UBAP1: variants seen among roughly 807,000 people sequenced by gnomAD.
UBAP1 encodes the protein ubiquitin associated protein 1.
Under a neutral mutation model 39.0 loss-of-function variants are expected in UBAP1, and 5 were observed. The observed-to-expected ratio is 0.13, with a 90% CI of 0.07 to 0.27. UBAP1 has a LOEUF of 0.27. Ranked by LOEUF, UBAP1 falls within the 10% of genes least tolerant of loss-of-function variation. UBAP1 has a pLI of 1.00. For synonymous variants in UBAP1, 211 were observed against 225.1 expected, an observed-to-expected ratio of 0.94 and a Z score of 0.56; for missense variants, 490 against 608.1, an observed-to-expected ratio of 0.81 and a Z score of 2.04.
chr9:34,235,684 T>C (rs1175478623), intron 3 of UBAP1, among the ~76,000 whole-genome samples: 1 of 151,930 alleles, frequency 6.6e-6, no homozygotes, highest in African/African-American at 2.4e-5. Context: ...GTGTACAGTG[T>C]TTATAAAGTC....
chr9:34,243,385 T>C (rs1305294370), intron 4 of UBAP1, among the ~76,000 whole-genome samples: 3 of 152,180 alleles, frequency 2.0e-5, no homozygotes, highest in Non-Finnish European at 4.4e-5. Context: ...CTTTCTGACC[T>C]GTTCATCTCA....
chr9:34,196,628 A>G (rs1831075589), intron 1 of UBAP1, among the ~76,000 whole-genome samples: 1 of 151,490 alleles, frequency 6.6e-6, no homozygotes, highest in South Asian at 2.1e-4. Flanking sequence ...TTTTTTTAAT[A>G]TAGACACGGT....
intron 2 of UBAP1, among the ~76,000 whole-genome samples, 153 bp downstream of exon 2, chr9:34,221,101 C>T (rs1042991656): frequency 5.9e-5 from 9 of 152,104 alleles, no homozygotes; most frequent in Non-Finnish European, 1.2e-4. Context: ...TCAAGTATAT[C>T]TGAAAGGTCT....
chr9:34,179,867 A>G (rs973406230), intron 1 of UBAP1, among the ~76,000 whole-genome samples: 1 of 152,122 alleles, frequency 6.6e-6, no homozygotes, highest in Non-Finnish European at 1.5e-5. Flanking sequence ...TATTTGAGCT[A>G]TATCAGTGAT....
At chr9:34,247,784 C>A (rs1834254554) in intron 4 of UBAP1, among the ~76,000 whole-genome samples, 1 of 152,152 alleles carries the variant, frequency 6.6e-6, no homozygotes, top group Non-Finnish European at 1.5e-5. Flanking sequence ...ATTTGCTAAC[C>A]TAACACCCTG....
chr9:34,235,913 A>G (rs1833678790), intron 3 of UBAP1, among the ~76,000 whole-genome samples: 1 of 149,266 alleles, frequency 6.7e-6, no homozygotes, highest in Non-Finnish European at 1.5e-5. Context: ...TCAAGAAGAG[A>G]GACTCTTTCT....
intron 1 of UBAP1, among the ~76,000 whole-genome samples, chr9:34,209,150 C>G (rs1482832350): frequency 6.6e-6 from 1 of 152,038 alleles, no homozygotes; most frequent in Non-Finnish European, 1.5e-5. Context: ...GTTGGCCAGG[C>G]TGGTCTCAAA....
At chr9:34,208,126 G>A (rs1243225994) in intron 1 of UBAP1, among the ~76,000 whole-genome samples, 2 of 152,058 alleles carry the variant, frequency 1.3e-5, no homozygotes, top group Non-Finnish European at 2.9e-5. Flanking sequence ...TATATCAGCA[G>A]AATTGTTAAT....
intron 1 of UBAP1, among the ~76,000 whole-genome samples, chr9:34,189,069 A>T (rs1266717276): frequency 6.6e-6 from 1 of 152,178 alleles, no homozygotes; most frequent in Non-Finnish European, 1.5e-5. Context: ...TAAGAATGGA[A>T]TCTTCCTAAT....
Position 34,179,071 on chromosome 9 carries a change from C to T in UBAP1, c.-177C>T. 10 of 1,275,880 alleles carry T rather than the reference C, an allele frequency of 7.8e-6. No individual in the cohort carries two copies. Among genetic ancestry groups the T allele is most frequent in the Admixed American group, 3.9e-5 (1 of 25,524 alleles). The allele number at this position is 1,275,880 out of a possible 1,614,324, so 79.0% of individuals were successfully genotyped here. On this transcript the variant is annotated 5_prime_UTR_variant, in exon 1 of 7. Coordinates refer to ENST00000297661, the MANE Select transcript of UBAP1 (RefSeq NM_016525.5). ...AAGTAGGACTTCAACATGGCGGCTGCGGCACTGGCGGTGGCTACGGTGACG... is the reference window on the plus strand; with the variant it reads ...AAGTAGGACTTCAACATGGCGGCTGTGGCACTGGCGGTGGCTACGGTGACG...
At chr9:34,179,034 G>A (rs920528560), upstream of UBAP1, 7 of 1,262,836 alleles carry the variant, frequency 5.5e-6, no homozygotes, top group Non-Finnish European at 6.0e-6. Context: ...GCGGTGAGGG[G>A]AAGGAGGAGG....
intron 1 of UBAP1, among the ~76,000 whole-genome samples, chr9:34,218,334 T>C (rs2131573270): frequency 7.0e-6 from 1 of 143,374 alleles, no homozygotes; most frequent in South Asian, 2.2e-4. Context: ...AACTTCTTTA[T>C]AACATTCCTG....
chr9:34,245,921 C>T (rs1292002243), intron 4 of UBAP1, among the ~76,000 whole-genome samples: 3 of 151,440 alleles, frequency 2.0e-5, no homozygotes, highest in African/African-American at 4.9e-5. Flanking sequence ...TTTTGGGAGG[C>T]CGAGGTGGGA....
chr9:34,208,945 T>C (rs760591815), intron 1 of UBAP1, among the ~76,000 whole-genome samples: 4 of 151,824 alleles, frequency 2.6e-5, no homozygotes, highest in Non-Finnish European at 4.4e-5. Context: ...ATTTTAGTTC[T>C]ATTTTTTGAG....
rs1256214920 is a variant in UBAP1 at position 34,220,518 on chromosome 9, G to T, written c.-7-390G>T. On this transcript the variant is annotated intron_variant, in intron 1 of 6. Transcript: ENST00000297661. ...TTTTTCAATTTTTTATAGGGACAGG[G>T]TCTCCCTATGTTGCCCAGGCTGGTC... The T allele has an allele frequency of 2.5e-5, 4 of 162,340 alleles. No individual in the cohort carries two copies. In the Admixed American group the frequency reaches 2.5e-4, roughly 10 times the overall value. 10.1% of individuals were successfully genotyped at this position (162,340 alleles called of 1,614,324 possible).
chr9:34,251,455 A>G lies in UBAP1; in HGVS notation c.1432A>G (p.Lys478Glu). Residue 478 changes from lysine (K) to glutamate (E), a missense_variant, in exon 7 of 7, where the codon AAG becomes GAG. Coordinates refer to ENST00000297661, the MANE Select transcript of UBAP1 (RefSeq NM_016525.5). Reference protein sequence around the residue: ...KEMGFELKDIKEVLLLHNNDQ... With the variant: ...KEMGFELKDIEEVLLLHNNDQ... ...GATGGGCTTTGAGCTGAAAGACATTAAGGAAGTTTTGCTATTACACAACAA... is the reference window on the plus strand; with the variant it reads ...GATGGGCTTTGAGCTGAAAGACATTGAGGAAGTTTTGCTATTACACAACAA... 3.7e-6 allele frequency: 6 copies of G among 1,614,180 alleles called. No homozygotes were observed. The highest frequency in any genetic ancestry group is 4.2e-6 in the Non-Finnish European group (5 of 1,180,006).
At chr9:34,251,366 A>T in intron 6 of UBAP1, 26 bp from the exon 7 acceptor site, 2 of 1,612,682 alleles carry the variant, frequency 1.2e-6, no homozygotes, top group Non-Finnish European at 1.7e-6. Context: ...CCTTTTCTTT[A>T]ATCTGTGTTC....
At chr9:34,216,579 C>T (rs1832329637) in intron 1 of UBAP1, among the ~76,000 whole-genome samples, 1 of 151,542 alleles carries the variant, frequency 6.6e-6, no homozygotes, top group Non-Finnish European at 1.5e-5. Flanking sequence ...CAGCCTTTTA[C>T]CACCTGGACT....
intron 1 of UBAP1, among the ~76,000 whole-genome samples, chr9:34,199,313 TC>T (rs1160479284): frequency 6.6e-6 from 1 of 152,104 alleles, no homozygotes; most frequent in Non-Finnish European, 1.5e-5. Flanking sequence ...GACCTTGTGA[TC>T]CCCCCGCCTT....
Sources: gnomAD v4.1 joint callset for allele counts (sites outside exome capture counted in the v4.1 genomes callset) on GRCh38, gnomAD v4.1.1 for gene constraint, MANE v1.5 for transcripts, NCBI Gene and HGNC (gene_info 2026-07-23, HGNC 2026-07-21) for gene names.